NR2C2: variants seen among roughly 807,000 people sequenced by gnomAD.
NR2C2 encodes the protein nuclear receptor subfamily 2 group C member 2, also known as Nuclear hormone receptor TR4.
A neutral mutation model predicts 62.9 loss-of-function variants in NR2C2; 6 were observed. The ratio of observed to expected loss-of-function variants is 0.10; its 90% CI spans 0.05 to 0.19. NR2C2 has a LOEUF of 0.19. Among genes scored for constraint, NR2C2 ranks in the 10% least tolerant of loss-of-function variants. The pLI, the probability that NR2C2 is intolerant of heterozygous loss-of-function variation, is 1.00. For missense variants in NR2C2, 479 were observed against 762.7 expected, an observed-to-expected ratio of 0.63 and a Z score of 4.38; for synonymous variants, 272 against 273.8, an observed-to-expected ratio of 0.99 and a Z score of 0.07.
At position 14,997,295 on chromosome 3, in the gene NR2C2, G is replaced by T. The variant is rs560662794; in HGVS notation, c.-39-6581G>T. ...GTAGGCTATGCCATCTAGGTTTGTT[G>T]TAAGTACATGTTATCATGTTCACAT... On this transcript the variant is annotated intron_variant, in intron 1 of 13. Coordinates refer to ENST00000425241, the MANE Select transcript of NR2C2 (RefSeq NM_001291694.2). Among the ~76,000 whole-genome samples, 12 of 152,212 alleles carry T rather than the reference G, an allele frequency of 7.9e-5. No individual in the cohort carries two copies. In the South Asian group the frequency reaches 2.3e-3, roughly 29 times the overall value.
At chr3:14,975,743 C>T (rs2040185768) in intron 1 of NR2C2, among the ~76,000 whole-genome samples, 1 of 152,062 alleles carries the variant, frequency 6.6e-6, no homozygotes, top group African/African-American at 2.4e-5. Flanking sequence ...GGAAATGTTC[C>T]CACCTCTTCA....
chr3:14,957,844 T>C (rs1414179140), intron 1 of NR2C2, among the ~76,000 whole-genome samples: 1 of 152,136 alleles, frequency 6.6e-6, no homozygotes, highest in Non-Finnish European at 1.5e-5. Context: ...GCATCATTTT[T>C]CTGCCAAACT....
chr3:15,004,114 CT>C, intron 2 of NR2C2, 128 bp downstream of exon 2: 1 of 666,282 alleles, frequency 1.5e-6, no homozygotes, highest in Non-Finnish European at 2.4e-6. Context: ...TTCATCAATT[CT>C]TTAAAAAAAA....
At chr3:15,004,672 A>G (rs2041117440) in intron 2 of NR2C2, 1 of 1,581,042 alleles carries the variant, frequency 6.3e-7, no homozygotes, top group East Asian at 2.2e-5. Flanking sequence ...TATTGATGAC[A>G]AAGATTTATT....
intron 1 of NR2C2, among the ~76,000 whole-genome samples, chr3:14,950,372 A>G (rs550580558): frequency 2.0e-5 from 3 of 152,356 alleles, no homozygotes; most frequent in Admixed American, 2.0e-4. Flanking sequence ...AGGCGCCACT[A>G]GAACCCACGT....
chr3:15,040,066 A>T (rs2125093250), intron 13 of NR2C2, among the ~76,000 whole-genome samples: 1 of 152,154 alleles, frequency 6.6e-6, no homozygotes, highest in Middle Eastern at 3.4e-3. Context: ...GAGGCAGGAG[A>T]ATCTCTTGAA....
chr3:15,014,027 C>T (rs2041430829), intron 3 of NR2C2, among the ~76,000 whole-genome samples: 3 of 152,096 alleles, frequency 2.0e-5, no homozygotes, highest in Admixed American at 2.0e-4. Context: ...AGTCAGTGGC[C>T]ACAGGAGACT....
chr3:14,956,295 A>C (rs1044817839), intron 1 of NR2C2, among the ~76,000 whole-genome samples: 1 of 152,170 alleles, frequency 6.6e-6, no homozygotes, highest in African/African-American at 2.4e-5. Flanking sequence ...GGCTATCTAA[A>C]TCCTTCCATT....
At chr3:15,028,186 T>C (rs1265684559) in intron 7 of NR2C2, among the ~76,000 whole-genome samples, 1 of 152,202 alleles carries the variant, frequency 6.6e-6, no homozygotes, top group African/African-American at 2.4e-5. Context: ...AATTGGGTTG[T>C]CTTTTTATTA....
intron 1 of NR2C2, among the ~76,000 whole-genome samples, chr3:14,969,076 T>C (rs1322986481): frequency 2.0e-5 from 3 of 150,460 alleles, no homozygotes; most frequent in Admixed American, 6.6e-5. Context: ...GCATGGCACA[T>C]GTATACATAT....
In NR2C2 at chr3:14,957,491, A is replaced by G. The variant is rs950136397; in HGVS notation, c.-40+9585A>G. Among the ~76,000 whole-genome samples the G allele has an allele frequency of 5.9e-5, 9 of 152,298 alleles. No individual in the cohort carries two copies. In the South Asian group the frequency reaches 1.9e-3, roughly 32 times the overall value. Reference sequence around the variant, plus strand: ...CTTTGTTGTTGGTGGGGTGATATTGATCCACTTGGATTTGAAAGAATTTCT... The same window carrying G: ...CTTTGTTGTTGGTGGGGTGATATTGGTCCACTTGGATTTGAAAGAATTTCT... On this transcript the variant is annotated intron_variant, in intron 1 of 13. Coordinates refer to ENST00000425241, the MANE Select transcript of NR2C2 (RefSeq NM_001291694.2).
intron 1 of NR2C2, among the ~76,000 whole-genome samples, chr3:14,967,133 TTTG>T (rs776459475): frequency 6.6e-5 from 10 of 152,176 alleles, no homozygotes; most frequent in Non-Finnish European, 1.0e-4. Flanking sequence ...AGTTATCTAA[TTTG>T]TTGGTGTACA....
intron 1 of NR2C2, among the ~76,000 whole-genome samples, chr3:14,986,346 G>C (rs1360408714): frequency 6.6e-6 from 1 of 152,110 alleles, no homozygotes; most frequent in Non-Finnish European, 1.5e-5. Context: ...TTAAATAAGG[G>C]TACTAAGAAG....
intron 1 of NR2C2, chr3:14,948,320 C>A (rs1656416): frequency 6.6e-6 from 1 of 152,352 alleles, no homozygotes; most frequent in African/African-American, 2.4e-5. Context: ...CCCTCCGCTT[C>A]TAGTCCGCCT....
At chr3:15,028,468 T>C in intron 7 of NR2C2, 118 bp from the exon 8 acceptor site, 1 of 863,078 alleles carries the variant, frequency 1.2e-6, no homozygotes, top group Non-Finnish European at 1.8e-6. Flanking sequence ...GTTGCCCCTT[T>C]GTAGTCACAC....
Position 15,013,744 on chromosome 3 carries a change from A to G in NR2C2, c.228A>G (p.Gln76=), listed in dbSNP as rs1190110881. The change falls in exon 3 of 14, where the codon CAA becomes CAG. Residue 76 remains glutamine (Q), a synonymous_variant. Transcript: ENST00000425241. Reference sequence around the variant, plus strand: ...CCCCAGAGACATCCAGCGCCAAGCAACTCATATTCACCACCTCAGACAACC... The same window carrying G: ...CCCCAGAGACATCCAGCGCCAAGCAGCTCATATTCACCACCTCAGACAACC... ...LASPETSSAK[Q]LIFTTSDNLV... 1 of 1,614,168 alleles carries G rather than the reference A, an allele frequency of 6.2e-7. No homozygotes were observed. Among genetic ancestry groups the G allele is most frequent in the Non-Finnish European group, 8.5e-7 (1 of 1,180,018 alleles).
Position 15,046,282 on chromosome 3 carries a change from T to A in NR2C2, c.*3274T>A, listed in dbSNP as rs2042447719. ...CCCTCAAGAGGGACTGATTTTTAGC[T>A]TGTCATTGTCAGTATTGAATGTGGA... On this transcript the variant is annotated 3_prime_UTR_variant, in exon 14 of 14. Transcript: ENST00000425241. 1 of 152,238 alleles carries A rather than the reference T, an allele frequency of 6.6e-6. No individual in the cohort carries two copies. Among genetic ancestry groups the A allele is most frequent in the Non-Finnish European group, 1.5e-5 (1 of 68,052 alleles). 9.4% of individuals were successfully genotyped at this position (152,238 alleles called of 1,614,324 possible). A position where few individuals can be genotyped will look rare whatever the true frequency, so the allele number is the denominator to read the frequency against.
intron 10 of NR2C2, 97 bp downstream of exon 10, chr3:15,032,597 G>T: frequency 6.9e-7 from 1 of 1,459,530 alleles, no homozygotes; most frequent in Non-Finnish European, 9.5e-7. Flanking sequence ...TAGTTTGACT[G>T]TTTCTATGAC....
chr3:15,047,926 C>T lies in NR2C2; in HGVS notation c.*4918C>T, dbSNP rs2042512952. On this transcript the variant is annotated 3_prime_UTR_variant, in exon 14 of 14. Coordinates refer to ENST00000425241, the MANE Select transcript of NR2C2 (RefSeq NM_001291694.2). ...AAAGCTACAGATACCAAATTTTCCT[C>T]GTCCAGGTCTACTCGGACGAATTTT... 1 of 152,218 alleles carries T rather than the reference C, an allele frequency of 6.6e-6. No individual in the cohort carries two copies. The highest frequency in any genetic ancestry group is 2.4e-5 in the African/African-American group (1 of 41,434). The allele number at this position is 152,218 out of a possible 1,614,324, so 9.4% of individuals were successfully genotyped here.
Sources: gnomAD v4.1 joint callset for allele counts (sites outside exome capture counted in the v4.1 genomes callset) on GRCh38, gnomAD v4.1.1 for gene constraint, MANE v1.5 for transcripts, NCBI Gene and HGNC (gene_info 2026-07-23, HGNC 2026-07-21) for gene names.